The following SUCLG2 variants were observed in gnomAD, a reference collection of about 807,000 sequenced individuals.
SUCLG2 encodes the protein succinate-CoA ligase GDP-forming subunit beta.
A neutral mutation model predicts 47.9 loss-of-function variants in SUCLG2; 42 were observed. The observed-to-expected ratio is 0.88, with a 90% CI of 0.69 to 1.14. The LOEUF (loss-of-function observed/expected upper bound fraction) is 1.14. Ranked by LOEUF, SUCLG2 falls within the 50% of genes most tolerant of loss-of-function variation. The pLI is 0.00. For missense variants in SUCLG2, 571 were observed against 525.9 expected (o/e 1.09, Z -0.84); for synonymous variants, 195 against 197.3 (o/e 0.99, Z 0.10).
chr3:67,486,712 T>C (rs537856091), intron 9 of SUCLG2, among the ~76,000 whole-genome samples: 9 of 152,240 alleles, frequency 5.9e-5, no homozygotes, highest in Admixed American at 2.0e-4. Flanking sequence ...TTCAATACTA[T>C]GCTTGGGGGC....
chr3:67,514,350 C>A, intron 6 of SUCLG2: 3 of 334,726 alleles, frequency 9.0e-6, no homozygotes, highest in South Asian at 6.4e-5. Context: ...TATGTGTATT[C>A]TTGCTGAAAT....
intron 10 of SUCLG2, among the ~76,000 whole-genome samples, chr3:67,369,310 C>A (rs540848792): frequency 4.6e-5 from 7 of 152,146 alleles, no homozygotes; most frequent in Non-Finnish European, 4.4e-5. Flanking sequence ...ATGGGTGGTG[C>A]CTTCGTTTTT....
intron 9 of SUCLG2, among the ~76,000 whole-genome samples, chr3:67,486,149 T>C (rs1206835696): frequency 6.6e-6 from 1 of 151,906 alleles, no homozygotes. Flanking sequence ...CCTGTAGTCC[T>C]AGCAACTCAG....
intron 7 of SUCLG2, among the ~76,000 whole-genome samples, chr3:67,502,702 G>A (rs1425863694): frequency 6.6e-6 from 1 of 152,128 alleles, no homozygotes; most frequent in Non-Finnish European, 1.5e-5. Context: ...AAAATTATCT[G>A]TTCCTTTATA....
At chr3:67,581,210 A>G (rs1451004361) in intron 2 of SUCLG2, among the ~76,000 whole-genome samples, 1 of 152,198 alleles carries the variant, frequency 6.6e-6, no homozygotes, top group East Asian at 1.9e-4. Flanking sequence ...AGTCATTCCC[A>G]TGGTGGTCTT....
intron 9 of SUCLG2, among the ~76,000 whole-genome samples, chr3:67,406,155 G>A (rs1275902007): frequency 6.6e-6 from 1 of 152,136 alleles, no homozygotes; most frequent in Non-Finnish European, 1.5e-5. Context: ...TGCCAAATTA[G>A]GCAGCCTGTT....
intron 9 of SUCLG2, among the ~76,000 whole-genome samples, chr3:67,420,233 C>A (rs1393868235): frequency 6.6e-6 from 1 of 152,182 alleles, no homozygotes; most frequent in Non-Finnish European, 1.5e-5. Flanking sequence ...CCATTTGTCA[C>A]AAGTCAGGTA....
intron 1 of SUCLG2, among the ~76,000 whole-genome samples, chr3:67,639,774 C>T (rs1009127473): frequency 1.3e-5 from 2 of 152,094 alleles, no homozygotes; most frequent in African/African-American, 4.8e-5. Flanking sequence ...TGAGTTTTTC[C>T]TGAGAATGCC....
rs79594831 is a variant in SUCLG2, at chr3:67,487,728, C to T, written c.1062+8070G>A. On this transcript the variant is annotated intron_variant, in intron 9 of 10. Transcript: ENST00000307227. ...GGAAAATAAATGGGCAGTCAACTCA[C>T]TGATGTTAGCCCTCTACAAGTCCTT... Among the ~76,000 whole-genome samples, 539 of 152,292 alleles carry T rather than the reference C, an allele frequency of 3.5e-3. 1 individual carries two copies. Among genetic ancestry groups the T allele is most frequent in the Non-Finnish European group, 6.2e-3 (423 of 68,018 alleles).
intron 1 of SUCLG2, among the ~76,000 whole-genome samples, chr3:67,650,564 C>G (rs956476026): frequency 6.6e-6 from 1 of 152,108 alleles, no homozygotes; most frequent in Non-Finnish European, 1.5e-5. Flanking sequence ...TGAGACAAAC[C>G]TGACCAACAT....
chr3:67,515,889 G>C (rs1306837140), intron 6 of SUCLG2, among the ~76,000 whole-genome samples: 5 of 152,068 alleles, frequency 3.3e-5, no homozygotes, highest in Non-Finnish European at 7.3e-5. Context: ...ATACACTCAG[G>C]TGTCCCTAGA....
chr3:67,400,248 GAT>G (rs572422118), intron 10 of SUCLG2, among the ~76,000 whole-genome samples: 1 of 149,314 alleles, frequency 6.7e-6, no homozygotes, highest in Non-Finnish European at 1.5e-5. Flanking sequence ...TAATACATAT[GAT>G]ATATAAAATA....
chr3:67,550,175 C>T (rs999530948), intron 2 of SUCLG2, among the ~76,000 whole-genome samples: 1 of 152,176 alleles, frequency 6.6e-6, no homozygotes, highest in African/African-American at 2.4e-5. Context: ...CTGCTCCATG[C>T]GGGTAACATG....
chr3:67,599,549 A>T (rs1413464239), intron 2 of SUCLG2, among the ~76,000 whole-genome samples: 2 of 152,156 alleles, frequency 1.3e-5, no homozygotes, highest in African/African-American at 2.4e-5. Context: ...ATTTATGTAA[A>T]GTTGTTTTTC....
At chr3:67,442,483 T>C (rs1045688169) in intron 9 of SUCLG2, among the ~76,000 whole-genome samples, 20 of 152,156 alleles carry the variant, frequency 1.3e-4, no homozygotes, top group Admixed American at 1.2e-3. Context: ...AGAATCTGTG[T>C]TCTAAAGGGC....
chr3:67,597,893 G>A (rs1006474691), intron 2 of SUCLG2, among the ~76,000 whole-genome samples: 4 of 151,894 alleles, frequency 2.6e-5, no homozygotes, highest in African/African-American at 9.7e-5. Flanking sequence ...AGCCAAGATC[G>A]TGCCCCTGCA....
chr3:67,511,680 G>A (rs1287920976), intron 6 of SUCLG2, among the ~76,000 whole-genome samples: 1 of 152,174 alleles, frequency 6.6e-6, no homozygotes, highest in South Asian at 2.1e-4. Flanking sequence ...GAACAGACGA[G>A]TACACTCACA....
chr3:67,377,491 C>A (rs1482192318), intron 10 of SUCLG2, among the ~76,000 whole-genome samples: 1 of 152,158 alleles, frequency 6.6e-6, no homozygotes, highest in Non-Finnish European at 1.5e-5. Flanking sequence ...GGCCCCCCTG[C>A]ATCTCGAAGG....
intron 6 of SUCLG2, 56 bp from the exon 7 acceptor site, chr3:67,508,959 T>C: frequency 7.3e-7 from 1 of 1,374,116 alleles, no homozygotes; most frequent in Admixed American, 2.1e-5. Flanking sequence ...AAAATTTATT[T>C]TGCTGGATTA....
Sources: allele counts gnomAD v4.1 joint callset (sites outside exome capture counted in the v4.1 genomes callset), GRCh38; gene constraint gnomAD v4.1.1; transcripts MANE v1.5; gene names NCBI Gene and HGNC (gene_info 2026-07-23, HGNC 2026-07-21).